ABI3BP: variants seen among roughly 807,000 people sequenced by gnomAD.
The protein encoded by ABI3BP is ABI family member 3 binding protein.
A neutral mutation model predicts 268.6 loss-of-function variants in ABI3BP; 216 were observed. The observed-to-expected ratio is 0.80, with a 90% CI of 0.72 to 0.90. The LOEUF is 0.90. Among genes scored for constraint, ABI3BP ranks in the 40% least tolerant of loss-of-function variants. The pLI is 0.00. For synonymous variants in ABI3BP, 730 were observed against 730.0 expected, an observed-to-expected ratio of 1.00 and a Z score of 0.00; for missense variants, 2,090 against 2,182.4, an observed-to-expected ratio of 0.96 and a Z score of 0.84.
At chr3:100,821,144 A>G (rs2152659182) in intron 38 of ABI3BP, 31 bp from the exon 39 acceptor site, 3 of 1,513,218 alleles carry the variant, frequency 2.0e-6, no homozygotes, top group East Asian at 2.5e-5. Context: ...TAACCAAATG[A>G]TTATTTTAAA....
intron 31 of ABI3BP, among the ~76,000 whole-genome samples, chr3:100,831,181 C>A (rs1287340849): frequency 6.6e-6 from 1 of 151,998 alleles, no homozygotes; most frequent in East Asian, 1.9e-4. Context: ...ATCTTTTTAA[C>A]CAATAAAATG....
intron 1 of ABI3BP, among the ~76,000 whole-genome samples, chr3:100,981,758 C>T (rs965399466): frequency 6.6e-6 from 1 of 152,176 alleles, no homozygotes; most frequent in Non-Finnish European, 1.5e-5. Flanking sequence ...TGAAAACACT[C>T]CCAGTGTCCT....
intron 1 of ABI3BP, among the ~76,000 whole-genome samples, chr3:100,937,624 T>G (rs962249490): frequency 6.6e-6 from 1 of 152,090 alleles, no homozygotes; most frequent in African/African-American, 2.4e-5. Flanking sequence ...TTCAAGCATC[T>G]TACAGCACCT....
At chr3:100,973,411 C>T (rs1199948795) in intron 1 of ABI3BP, among the ~76,000 whole-genome samples, 3 of 151,814 alleles carry the variant, frequency 2.0e-5, no homozygotes, top group African/African-American at 7.3e-5. Context: ...ATTACTACTG[C>T]AAATAATGAG....
At chr3:100,795,165 A>G (rs1435912866) in intron 53 of ABI3BP, among the ~76,000 whole-genome samples, 162 bp from the exon 54 acceptor site, 2 of 152,008 alleles carry the variant, frequency 1.3e-5, no homozygotes, top group Admixed American at 1.3e-4. Flanking sequence ...ATATTAGAAA[A>G]ATGGTTCTCA....
At chr3:100,871,776 T>G (rs973325928) in intron 9 of ABI3BP, among the ~76,000 whole-genome samples, 1 of 152,172 alleles carries the variant, frequency 6.6e-6, no homozygotes, top group African/African-American at 2.4e-5. Flanking sequence ...AGTGTGAAAA[T>G]GGACTAATAC....
intron 4 of ABI3BP, among the ~76,000 whole-genome samples, chr3:100,897,373 ATGTTTATACAGTC>A (rs1335122074): frequency 1.3e-5 from 2 of 152,114 alleles, no homozygotes; most frequent in African/African-American, 4.8e-5. Context: ...TTATGCGAAA[ATGTTTATACAGTC>A]TGTATTCATA....
At chr3:100,789,251 T>C (rs772019023) in intron 56 of ABI3BP, among the ~76,000 whole-genome samples, 1 of 152,130 alleles carries the variant, frequency 6.6e-6, no homozygotes. Context: ...GATCTCTGCA[T>C]CTGATTATCC....
At chr3:100,962,587 CAA>C (rs2079541999) in intron 1 of ABI3BP, among the ~76,000 whole-genome samples, 1 of 152,166 alleles carries the variant, frequency 6.6e-6, no homozygotes, top group Admixed American at 6.5e-5. Flanking sequence ...ATTACACAAA[CAA>C]AACACTCTCT....
chr3:100,752,566 T>C (rs1319862797), intron 66 of ABI3BP: 7 of 455,766 alleles, frequency 1.5e-5, no homozygotes, highest in Admixed American at 3.5e-5. Context: ...ATGATGGCAC[T>C]GTTTTATAAT....
chr3:100,839,448 G>A lies in ABI3BP; in HGVS notation c.1945+121C>T, dbSNP rs2098658730. Reference sequence around the variant, plus strand: ...CTTCAGACCCAGACAGGAAAGGTGAGGAAAAGCGTGGGATGAAACTGTGAT... The same window carrying A: ...CTTCAGACCCAGACAGGAAAGGTGAAGAAAAGCGTGGGATGAAACTGTGAT... On this transcript the variant is annotated intron_variant, in intron 24 of 67. Coordinates refer to ENST00000471714, the MANE Select transcript of ABI3BP (RefSeq NM_001375547.2). The A allele has an allele frequency of 5.6e-6, 6 of 1,079,450 alleles. 1 individual carries two copies. Among genetic ancestry groups the A allele is most frequent in the South Asian group, 5.4e-5 (4 of 74,282 alleles). 66.9% of individuals were successfully genotyped at this position (1,079,450 alleles called of 1,614,324 possible).
intron 55 of ABI3BP, 138 bp downstream of exon 55, chr3:100,792,553 G>T: frequency 2.5e-6 from 2 of 806,522 alleles, no homozygotes; most frequent in Non-Finnish European, 4.0e-6. Context: ...AGATTTGGCT[G>T]ATTTCTTTCA....
chr3:100,925,974 A>G (rs891444609), intron 2 of ABI3BP, among the ~76,000 whole-genome samples: 4 of 152,128 alleles, frequency 2.6e-5, no homozygotes, highest in Non-Finnish European at 5.9e-5. Flanking sequence ...ATCAAAAGAT[A>G]GTAAGGTACA....
intron 2 of ABI3BP, among the ~76,000 whole-genome samples, chr3:100,917,712 C>T (rs540308903): frequency 4.6e-5 from 7 of 152,218 alleles, no homozygotes; most frequent in Admixed American, 2.0e-4. Flanking sequence ...TTTGAAAAAA[C>T]TGTGCTTTAT....
At chr3:100,755,131 C>A (rs1450992121) in intron 63 of ABI3BP, among the ~76,000 whole-genome samples, 1 of 152,174 alleles carries the variant, frequency 6.6e-6, no homozygotes, top group African/African-American at 2.4e-5. Context: ...CTTAGGCCAT[C>A]TTTCTCACTG....
In ABI3BP at chr3:100,751,685, A is replaced by C; in HGVS notation, c.5123-11T>G. The C allele has an allele frequency of 6.3e-7, 1 of 1,581,194 alleles. No homozygotes were observed. Among genetic ancestry groups the C allele is most frequent in the Non-Finnish European group, 8.6e-7 (1 of 1,163,588 alleles). On this transcript the variant is annotated splice_polypyrimidine_tract_variant and intron_variant, in intron 66 of 67. Coordinates refer to ENST00000471714, the MANE Select transcript of ABI3BP (RefSeq NM_001375547.2). ...TGTTATAAAATTTTCCTGAAGAACC[A>C]GAAATTAAAAGGATAAAGTTTACTT...
chr3:100,824,932 G>A lies in ABI3BP; in HGVS notation c.2672C>T (p.Thr891Ile). The change falls in exon 36 of 68, where the codon ACA becomes ATA. Residue 891 changes from threonine to isoleucine, a missense_variant. By Grantham distance (89) the Thr-to-Ile change is moderately conservative. Transcript: ENST00000471714. ...EIPATTLATK[T>I]SKRTRPPRPR... ...ACGTGGAGGGCGGGTTCTTTTTGAT[G>A]TTTTGGTAGCTGAAGGAAGAAAAAG... 1 of 1,535,814 alleles carries A rather than the reference G, an allele frequency of 6.5e-7. No individual in the cohort carries two copies. Among genetic ancestry groups the A allele is most frequent in the Admixed American group, 2.0e-5 (1 of 50,988 alleles).
intron 1 of ABI3BP, among the ~76,000 whole-genome samples, chr3:100,949,768 T>C (rs150144851): frequency 2.6e-5 from 4 of 152,316 alleles, no homozygotes; most frequent in Non-Finnish European, 4.4e-5. Context: ...TTCCATGATC[T>C]TGAGATTCCT....
chr3:100,942,390 A>T (rs936809586), intron 1 of ABI3BP, among the ~76,000 whole-genome samples: 1 of 152,164 alleles, frequency 6.6e-6, no homozygotes, highest in Non-Finnish European at 1.5e-5. Context: ...TACCAAAAGC[A>T]GGTAGGGAAG....
Sources: allele counts gnomAD v4.1 joint callset (sites outside exome capture counted in the v4.1 genomes callset), GRCh38; gene constraint gnomAD v4.1.1; transcripts MANE v1.5; gene names NCBI Gene and HGNC (gene_info 2026-07-23, HGNC 2026-07-21).